The following TDRP variants were observed in gnomAD, a reference collection of about 807,000 sequenced individuals.
The protein encoded by TDRP is testis development-related protein.
TDRP carries 12 observed loss-of-function variants against 10.5 expected under a neutral mutation model. That is an observed-to-expected ratio of 1.15 (90% CI 0.73 to 1.86). The LOEUF (loss-of-function observed/expected upper bound fraction) is 1.86, where lower values mean the gene tolerates loss of function less well. TDRP is among the 40% of genes most tolerant of loss of function. TDRP has a pLI of 0.00. For missense variants in TDRP, 353 were observed against 229.2 expected, an observed-to-expected ratio of 1.54 and a Z score of -3.49; for synonymous variants, 139 against 95.4, an observed-to-expected ratio of 1.46 and a Z score of -2.67.
Position 490,887 on chromosome 8 carries a change from A to T in TDRP, c.*1512T>A, listed in dbSNP as rs1800951072. 1 of 152,248 alleles carries T rather than the reference A, an allele frequency of 6.6e-6. No homozygotes were observed. Among genetic ancestry groups the T allele is most frequent in the African/African-American group, 2.4e-5 (1 of 41,468 alleles). The allele number at this position is 152,248 out of a possible 1,614,324, so 9.4% of individuals were successfully genotyped here. On this transcript the variant is annotated 3_prime_UTR_variant, in exon 3 of 3. Coordinates refer to ENST00000324079, the MANE Select transcript of TDRP (RefSeq NM_001384899.1). The stretch of plus-strand genomic sequence containing the variant: ...GTAAACTTCTTGTTCTATTAAAAAA[A>T]AAAGTAGATGATTGACAGAAGGCTA...
intron 1 of TDRP, among the ~76,000 whole-genome samples, chr8:513,680 A>C (rs979856870): frequency 2.0e-5 from 3 of 152,242 alleles, no homozygotes; most frequent in Non-Finnish European, 4.4e-5. Flanking sequence ...AGTAAAATGC[A>C]TACAGAAAGG....
intron 1 of TDRP, among the ~76,000 whole-genome samples, chr8:524,743 T>C (rs915493842): frequency 3.9e-5 from 6 of 152,154 alleles, no homozygotes; most frequent in South Asian, 2.1e-4. Context: ...AGACAGGCTA[T>C]TGAAAATACA....
At chr8:496,979 A>G (rs571310745) in intron 1 of TDRP, among the ~76,000 whole-genome samples, 1 of 152,356 alleles carries the variant, frequency 6.6e-6, no homozygotes, top group East Asian at 1.9e-4. Context: ...AGGCCTCCCC[A>G]GCCATACAGA....
intron 1 of TDRP, among the ~76,000 whole-genome samples, chr8:505,815 C>T (rs1293968587): frequency 6.6e-6 from 1 of 152,192 alleles, no homozygotes; most frequent in African/African-American, 2.4e-5. Context: ...CTGCAGGGTC[C>T]AGAGGCAGCC....
At chr8:502,754 C>A (rs1374517670) in intron 1 of TDRP, among the ~76,000 whole-genome samples, 1 of 151,352 alleles carries the variant, frequency 6.6e-6, no homozygotes, top group Non-Finnish European at 1.5e-5. Context: ...AACCCATGCC[C>A]AACTCAGCAT....
chr8:500,693 T>C (rs1320845786), intron 1 of TDRP, among the ~76,000 whole-genome samples: 14 of 152,182 alleles, frequency 9.2e-5, no homozygotes, highest in Non-Finnish European at 2.9e-5. Flanking sequence ...CAGATGGAAA[T>C]TTCTCCTTTT....
In TDRP at chr8:492,583, T is replaced by G; in HGVS notation, c.374A>C (p.Asp125Ala). Residue 125 changes from aspartate (D) to alanine (A), a missense_variant, in exon 3 of 3, where the codon GAC becomes GCC. Transcript: ENST00000324079. Reference protein sequence around the residue: ...ALEDISADPEDTVGGHPSWSG... With the variant: ...ALEDISADPEATVGGHPSWSG... ...CCAGGATGGGTGGCCACCCACGGTGTCCTCAGGGTCAGCCGATATGTCTTC... is the reference window on the plus strand; with the variant it reads ...CCAGGATGGGTGGCCACCCACGGTGGCCTCAGGGTCAGCCGATATGTCTTC... 1 of 1,613,826 alleles carries G rather than the reference T, an allele frequency of 6.2e-7. No homozygotes were observed. The highest frequency in any genetic ancestry group is 8.5e-7 in the Non-Finnish European group (1 of 1,179,764).
chr8:532,309 G>A (rs1018705000), intron 1 of TDRP, among the ~76,000 whole-genome samples: 52 of 152,286 alleles, frequency 3.4e-4, no homozygotes, highest in African/African-American at 1.1e-3. Flanking sequence ...TGGCAGCCAT[G>A]CACCCACTGA....
chr8:500,735 G>A (rs1389509650), intron 1 of TDRP, among the ~76,000 whole-genome samples: 1 of 152,172 alleles, frequency 6.6e-6, no homozygotes, highest in South Asian at 2.1e-4. Flanking sequence ...TCGGACTCCG[G>A]CCCTGGGAGA....
chr8:494,000 T>TG (rs1440760755), intron 2 of TDRP, among the ~76,000 whole-genome samples: 1 of 148,542 alleles, frequency 6.7e-6, no homozygotes, highest in African/African-American at 2.5e-5. Flanking sequence ...GTTGTTTTTT[T>TG]TTTTTTTTTT....
rs183367842 is a variant in TDRP at position 501,152 on chromosome 8, G to C, written c.109-6555C>G. On this transcript the variant is annotated intron_variant, in intron 1 of 2. Transcript: ENST00000324079. Reference sequence around the variant, plus strand: ...CCCGAGGAGGTGGAGCTTGCAGTGAGCTGAGATCGCGCCACTGCACTCCAG... The same window carrying C: ...CCCGAGGAGGTGGAGCTTGCAGTGACCTGAGATCGCGCCACTGCACTCCAG... Among the ~76,000 whole-genome samples, 28 of 151,842 alleles carry C rather than the reference G, an allele frequency of 1.8e-4. No homozygotes were observed. In the East Asian group the frequency reaches 5.4e-3, roughly 29 times the overall value.
intron 1 of TDRP, among the ~76,000 whole-genome samples, chr8:519,105 C>G (rs1801830549): frequency 6.6e-6 from 1 of 152,114 alleles, no homozygotes; most frequent in African/African-American, 2.4e-5. Context: ...AATCCAGTCA[C>G]CAATGGCCAA....
intron 1 of TDRP, among the ~76,000 whole-genome samples, chr8:501,122 G>A (rs376566162): frequency 2.6e-4 from 40 of 151,826 alleles, no homozygotes; most frequent in African/African-American, 8.0e-4. Flanking sequence ...GGAGAATGGC[G>A]TGAACCCGAG....
At chr8:542,407 G>T (rs570996426) in intron 1 of TDRP, among the ~76,000 whole-genome samples, 1 of 151,892 alleles carries the variant, frequency 6.6e-6, no homozygotes, top group Non-Finnish European at 1.5e-5. Context: ...TCCACAGATT[G>T]TAACAAACGC....
intron 1 of TDRP, among the ~76,000 whole-genome samples, chr8:540,325 T>A (rs191873876): frequency 1.2e-4 from 19 of 152,288 alleles, no homozygotes; most frequent in Non-Finnish European, 2.6e-4. Flanking sequence ...GAGACACATA[T>A]TATGAAGGGA....
Position 499,754 on chromosome 8 carries a change from G to A in TDRP, c.109-5157C>T, listed in dbSNP as rs114126289. Among the ~76,000 whole-genome samples, 528 of 152,312 alleles carry A rather than the reference G, an allele frequency of 3.5e-3. 3 individuals carry two copies. Among genetic ancestry groups the A allele is most frequent in the African/African-American group, 0.012 (498 of 41,572 alleles). Reference sequence around the variant, plus strand: ...CCACATTTCCCTCTGAGCATCCCCCGGGAAGGACAGGAGGGAAAGTCCTCA... The same window carrying A: ...CCACATTTCCCTCTGAGCATCCCCCAGGAAGGACAGGAGGGAAAGTCCTCA... On this transcript the variant is annotated intron_variant, in intron 1 of 2. Coordinates refer to ENST00000324079, the MANE Select transcript of TDRP (RefSeq NM_001384899.1).
chr8:522,923 G>C (rs191207182), intron 1 of TDRP, among the ~76,000 whole-genome samples: 2 of 152,134 alleles, frequency 1.3e-5, no homozygotes, highest in African/African-American at 2.4e-5. Flanking sequence ...TATATCTAAA[G>C]TGAGTATCTT....
intron 1 of TDRP, among the ~76,000 whole-genome samples, chr8:512,820 A>G (rs941540066): frequency 6.6e-6 from 1 of 151,910 alleles, no homozygotes; most frequent in African/African-American, 2.4e-5. Context: ...AAAAATACAA[A>G]AATTAGCTGG....
At chr8:538,852 T>C (rs1374860281) in intron 1 of TDRP, among the ~76,000 whole-genome samples, 2 of 152,214 alleles carry the variant, frequency 1.3e-5, no homozygotes, top group Admixed American at 6.5e-5. Flanking sequence ...CTTGAAGACA[T>C]GCGCATCTCA....
Sources: gnomAD v4.1 joint callset for allele counts (sites outside exome capture counted in the v4.1 genomes callset) on GRCh38, gnomAD v4.1.1 for gene constraint, MANE v1.5 for transcripts, NCBI Gene and HGNC (gene_info 2026-07-23, HGNC 2026-07-21) for gene names.